POC1A: variants seen among roughly 807,000 people sequenced by gnomAD.
The protein encoded by POC1A is POC1 centriolar protein homolog A.
A neutral mutation model predicts 47.8 loss-of-function variants in POC1A; 34 were observed. The observed-to-expected ratio is 0.71, with a 90% CI of 0.54 to 0.95. POC1A has a LOEUF of 0.95. Among genes scored for constraint, POC1A ranks in the 40% least tolerant of loss-of-function variants. The pLI is 0.00. For synonymous variants in POC1A, 177 were observed against 207.6 expected (o/e 0.85, Z 1.27); for missense variants, 466 against 528.3 (o/e 0.88, Z 1.16).
chr3:52,085,581 C>G (rs984094355), intron 10 of POC1A, among the ~76,000 whole-genome samples: 1 of 152,186 alleles, frequency 6.6e-6, no homozygotes, highest in Non-Finnish European at 1.5e-5. Context: ...GCCCTGGCCC[C>G]GCTGCTAGGA....
At chr3:52,146,390 G>A (rs1296361384) in intron 5 of POC1A, among the ~76,000 whole-genome samples, 1 of 152,228 alleles carries the variant, frequency 6.6e-6, no homozygotes, top group Non-Finnish European at 1.5e-5. Context: ...TAGGAGACAG[G>A]CCAAGGACCC....
chr3:52,130,288 G>C (rs768954282), intron 7 of POC1A, among the ~76,000 whole-genome samples: 2 of 152,232 alleles, frequency 1.3e-5, no homozygotes, highest in Non-Finnish European at 2.9e-5. Context: ...ACAGGCCTCT[G>C]GGGTGAGTGC....
At chr3:52,115,517 G>A (rs1703531038) in intron 9 of POC1A, among the ~76,000 whole-genome samples, 2 of 152,174 alleles carry the variant, frequency 1.3e-5, no homozygotes, top group Non-Finnish European at 2.9e-5. Context: ...AAGCAAATCT[G>A]CTGCAAGGTC....
intron 10 of POC1A, among the ~76,000 whole-genome samples, chr3:52,076,957 G>C (rs886305922): frequency 6.6e-6 from 1 of 152,290 alleles, no homozygotes; most frequent in Admixed American, 6.5e-5. Flanking sequence ...TCTGGCTTTG[G>C]ATAGAGTGTC....
intron 9 of POC1A, among the ~76,000 whole-genome samples, chr3:52,104,522 T>C (rs1042102161): frequency 6.6e-6 from 1 of 152,198 alleles, no homozygotes; most frequent in African/African-American, 2.4e-5. Context: ...ACAACTAAAA[T>C]GTCCTTAGGG....
At chr3:52,126,650 T>C (rs1704014229) in intron 7 of POC1A, among the ~76,000 whole-genome samples, 1 of 152,242 alleles carries the variant, frequency 6.6e-6, no homozygotes, top group Admixed American at 6.5e-5. Context: ...AGCAGAAATG[T>C]ATTGGCTCAC....
At chr3:52,128,841 A>G (rs902713028) in intron 7 of POC1A, among the ~76,000 whole-genome samples, 1 of 152,198 alleles carries the variant, frequency 6.6e-6, no homozygotes, top group African/African-American at 2.4e-5. Flanking sequence ...ATATAAATCA[A>G]TTTAAGGCTA....
intron 7 of POC1A, among the ~76,000 whole-genome samples, chr3:52,129,002 G>A (rs1318374675): frequency 6.6e-6 from 1 of 152,148 alleles, no homozygotes; most frequent in Non-Finnish European, 1.5e-5. Flanking sequence ...TTTCCAGGCT[G>A]GGCATGGTGG....
At chr3:52,076,828 G>C (rs531633024) in intron 10 of POC1A, among the ~76,000 whole-genome samples, 1 of 152,232 alleles carries the variant, frequency 6.6e-6, no homozygotes, top group Non-Finnish European at 1.5e-5. Context: ...GCTCACCTGC[G>C]GACCTGGCTG....
Position 52,138,213 on chromosome 3 carries a change from C to G in POC1A, c.769G>C (p.Asp257His). Residue 257 changes from aspartate (D) to histidine (H), a missense_variant, in exon 7 of 11, where the codon GAC (aspartate) becomes CAC (histidine). By Grantham distance (81) the Asp-to-His change is moderately conservative (BLOSUM62 -1). Coordinates refer to ENST00000296484, the MANE Select transcript of POC1A (RefSeq NM_015426.5). Reference protein sequence around the residue: ...ASSDSTLKILDLMEGRLLYTL... With the variant: ...ASSDSTLKILHLMEGRLLYTL... Reference sequence around the variant, plus strand: ...TAGAGCAGCCGGCCCTCCATCAGGTCCAGGATCTTCAGGGTTGAGTCACTG... The same window carrying G: ...TAGAGCAGCCGGCCCTCCATCAGGTGCAGGATCTTCAGGGTTGAGTCACTG... The G allele has an allele frequency of 6.2e-7, 1 of 1,614,052 alleles. No individual in the cohort carries two copies. The highest frequency in any genetic ancestry group is 8.5e-7 in the Non-Finnish European group (1 of 1,179,986).
In POC1A at chr3:52,154,402, C is replaced by T. The variant is rs1698661835; in HGVS notation, c.-30G>A. 2.1e-6 allele frequency: 3 copies of T among 1,447,816 alleles called. No individual in the cohort carries two copies. The highest frequency in any genetic ancestry group is 2.7e-5 in the South Asian group (2 of 73,266). 89.7% of individuals were successfully genotyped at this position (1,447,816 alleles called of 1,614,324 possible). The stretch of plus-strand genomic sequence containing the variant: ...GGGCTGGCGGCGCCGAAGGCAGCTG[C>T]GGTGGCCGTTGCGGCCCGTTCAGTT... On this transcript the variant is annotated 5_prime_UTR_variant, in exon 1 of 11. Transcript: ENST00000296484.
At chr3:52,095,981 A>G (rs537273626) in intron 10 of POC1A, among the ~76,000 whole-genome samples, 2 of 152,368 alleles carry the variant, frequency 1.3e-5, no homozygotes, top group African/African-American at 4.8e-5. Flanking sequence ...CAGGGCCACA[A>G]CTAACATTTA....
chr3:52,081,550 G>A (rs1194123776), intron 10 of POC1A, among the ~76,000 whole-genome samples: 2 of 152,230 alleles, frequency 1.3e-5, no homozygotes, highest in East Asian at 1.9e-4. Flanking sequence ...AAAGAATGGT[G>A]TGTGCAAAGG....
chr3:52,127,219 G>A (rs1237014587), intron 7 of POC1A, among the ~76,000 whole-genome samples: 2 of 152,170 alleles, frequency 1.3e-5, no homozygotes, highest in Non-Finnish European at 2.9e-5. Context: ...AGACATCACG[G>A]GCTGTGTGGC....
At chr3:52,119,887 C>T (rs1703706889) in intron 9 of POC1A, among the ~76,000 whole-genome samples, 1 of 152,196 alleles carries the variant, frequency 6.6e-6, no homozygotes, top group South Asian at 2.1e-4. Flanking sequence ...TTGGGAAGGC[C>T]AGTACATGGA....
chr3:52,103,989 G>A (rs1023197400), intron 9 of POC1A, among the ~76,000 whole-genome samples: 8 of 152,084 alleles, frequency 5.3e-5, no homozygotes, highest in Admixed American at 6.5e-5. Context: ...CCACTCCTAC[G>A]TATTTACCCA....
At chr3:52,100,278 T>C (rs1702953188) in intron 9 of POC1A, among the ~76,000 whole-genome samples, 1 of 152,204 alleles carries the variant, frequency 6.6e-6, no homozygotes, top group African/African-American at 2.4e-5. Flanking sequence ...ATCTTCCTTG[T>C]GACAAGAAAT....
intron 10 of POC1A, among the ~76,000 whole-genome samples, chr3:52,089,425 C>T (rs1405757013): frequency 6.6e-6 from 1 of 152,154 alleles, no homozygotes; most frequent in Non-Finnish European, 1.5e-5. Context: ...GGAAAACAAG[C>T]CTCTTGTTTC....
chr3:52,077,949 A>G (rs528953183), intron 10 of POC1A, among the ~76,000 whole-genome samples: 3 of 152,232 alleles, frequency 2.0e-5, no homozygotes, highest in African/African-American at 7.2e-5. Context: ...TAGGAATGTG[A>G]CCACTAAATG....
Sources: allele counts gnomAD v4.1 joint callset (sites outside exome capture counted in the v4.1 genomes callset), GRCh38; gene constraint gnomAD v4.1.1; transcripts MANE v1.5; gene names NCBI Gene and HGNC (gene_info 2026-07-23, HGNC 2026-07-21).